ZNF813: variants seen among roughly 807,000 people sequenced by gnomAD.
ZNF813 encodes the protein zinc finger protein 813.
A neutral mutation model predicts 7.2 loss-of-function variants in ZNF813; 3 were observed. The observed-to-expected ratio is 0.42, with a 90% CI of 0.19 to 1.08. The LOEUF (loss-of-function observed/expected upper bound fraction) is 1.08, where lower values mean the gene tolerates loss of function less well. ZNF813 is among the 50% of genes least tolerant of loss of function. ZNF813 has a pLI of 0.30. For missense variants in ZNF813, 714 were observed against 753.3 expected (o/e 0.95, Z 0.61); for synonymous variants, 227 against 256.3 (o/e 0.89, Z 1.09).
At position 53,469,833 on chromosome 19, in the gene ZNF813, G is replaced by A. The variant is rs564617823; in HGVS notation, c.-74+2044G>A. Among the ~76,000 whole-genome samples the A allele has an allele frequency of 4.3e-3, 652 of 150,596 alleles. 1 individual carries two copies. Among genetic ancestry groups the A allele is most frequent in the South Asian group, 0.011 (51 of 4,784 alleles). On this transcript the variant is annotated intron_variant, in intron 1 of 3. Coordinates refer to ENST00000396403, the MANE Select transcript of ZNF813 (RefSeq NM_001004301.4). The stretch of plus-strand genomic sequence containing the variant: ...TATAACAGGGAAGAGAGAATTTAAC[G>A]GGGAGAGCAGAGGAGGCGCAGAGAT...
rs758641998 is a variant in ZNF813 at position 53,492,073 on chromosome 19, A to G, written c.1841A>G (p.Lys614Arg). 2.5e-6 allele frequency: 4 copies of G among 1,612,170 alleles called. No homozygotes were observed. Among genetic ancestry groups the G allele is most frequent in the Non-Finnish European group, 3.4e-6 (4 of 1,179,110 alleles). ...CCTTACAAGTTTAATGAGTGTGGCA[A>G]AGCTTTTAATTGAAAAGCAAAGCTT... ...EKPYKFNECG[K>R]AFN Residue 614 changes from lysine to arginine, a missense_variant, in exon 4 of 4, where the codon AAA becomes AGA. Coordinates refer to ENST00000396403, the MANE Select transcript of ZNF813 (RefSeq NM_001004301.4).
At chr19:53,476,965 G>T (rs1359631178) in intron 1 of ZNF813, among the ~76,000 whole-genome samples, 3 of 152,176 alleles carry the variant, frequency 2.0e-5, no homozygotes, top group Admixed American at 2.0e-4. Flanking sequence ...CCTGGCTGTG[G>T]GAGAGTTTTT....
intron 1 of ZNF813, among the ~76,000 whole-genome samples, chr19:53,468,144 A>G (rs1414287236): frequency 6.7e-6 from 1 of 149,870 alleles, no homozygotes; most frequent in Non-Finnish European, 1.5e-5. Flanking sequence ...CCGCGGCCCC[A>G]GTCCCGGGAA....
chr19:53,490,100 T>G (rs2086451856), intron 3 of ZNF813, among the ~76,000 whole-genome samples: 1 of 152,190 alleles, frequency 6.6e-6, no homozygotes, highest in African/African-American at 2.4e-5. Flanking sequence ...CACTTTACGG[T>G]CACAGTGGAA....
intron 1 of ZNF813, 85 bp downstream of exon 1, chr19:53,467,874 C>T (rs550291773): frequency 6.5e-6 from 1 of 152,858 alleles, no homozygotes; most frequent in Non-Finnish European, 1.5e-5. Context: ...CCCCACAAAC[C>T]TGGAAATTCT....
rs373601042 is a variant in ZNF813, at chr19:53,491,182, A to T, written c.950A>T (p.His317Leu). 1 of 1,613,876 alleles carries T rather than the reference A, an allele frequency of 6.2e-7. No homozygotes were observed. Among genetic ancestry groups the T allele is most frequent in the East Asian group, 2.2e-5 (1 of 44,878 alleles). The change falls in exon 4 of 4, where the codon CAT becomes CTT. Residue 317 changes from histidine to leucine, a missense_variant. His to Leu is a moderately conservative substitution (Grantham distance 99). Coordinates refer to ENST00000396403, the MANE Select transcript of ZNF813 (RefSeq NM_001004301.4). The part of the protein sequence containing the change: ...AFSFKSNLKR[H>L]RRIHAGEKPY... ...AGTTTCAAATCAAACCTTAAAAGACATAGGAGAATTCATGCTGGAGAAAAA... is the reference window on the plus strand; with the variant it reads ...AGTTTCAAATCAAACCTTAAAAGACTTAGGAGAATTCATGCTGGAGAAAAA...
chr19:53,478,086 C>G (rs1432799116), intron 1 of ZNF813, among the ~76,000 whole-genome samples: 2 of 152,104 alleles, frequency 1.3e-5, no homozygotes, highest in African/African-American at 4.8e-5. Context: ...ACTCTATTCC[C>G]TTTTCGCAGG....
chr19:53,469,024 G>A (rs988780222), intron 1 of ZNF813, among the ~76,000 whole-genome samples: 14 of 152,038 alleles, frequency 9.2e-5, no homozygotes, highest in Non-Finnish European at 1.3e-4. Context: ...AGGTCCCTGC[G>A]GCTTTCCGCA....
In ZNF813 at chr19:53,495,439, G is replaced by C. The variant is rs1195656310; in HGVS notation, c.*3353G>C. 1 of 148,758 alleles carries C rather than the reference G, an allele frequency of 6.7e-6. No homozygotes were observed. The highest frequency in any genetic ancestry group is 1.5e-5 in the Non-Finnish European group (1 of 67,352). 9.2% of individuals were successfully genotyped at this position (148,758 alleles called of 1,614,324 possible). On this transcript the variant is annotated 3_prime_UTR_variant, in exon 4 of 4. Coordinates refer to ENST00000396403, the MANE Select transcript of ZNF813 (RefSeq NM_001004301.4). ...GGGTTTCACCATGTTGGCAAGGCTGGTCTTGAACTCCTGACCTCACGATCT... is the reference window on the plus strand; with the variant it reads ...GGGTTTCACCATGTTGGCAAGGCTGCTCTTGAACTCCTGACCTCACGATCT...
rs1264084354 is a variant in ZNF813 at position 53,485,529 on chromosome 19, T to G, written c.16-1103T>G. ...TAGTTTTTTGTGAGTCTCTGTAGGT[T>G]TCATTATTTTGTTGACATATATGTA... On this transcript the variant is annotated intron_variant, in intron 2 of 3. Transcript: ENST00000396403. 2.0e-5 allele frequency among the ~76,000 whole-genome samples: 3 copies of G among 152,102 alleles called. No individual in the cohort carries two copies. The South Asian group carries it at 6.2e-4, about 32-fold the overall frequency.
Position 53,494,736 on chromosome 19 carries a change from A to G in ZNF813, c.*2650A>G, listed in dbSNP as rs1236226281. 6.6e-6 allele frequency: 1 copy of G among 152,156 alleles called. No individual in the cohort carries two copies. Among genetic ancestry groups the G allele is most frequent in the Non-Finnish European group, 1.5e-5 (1 of 68,054 alleles). The allele number at this position is 152,156 out of a possible 1,614,324, so 9.4% of individuals were successfully genotyped here. A position where few individuals can be genotyped will look rare whatever the true frequency, so the allele number is the denominator to read the frequency against. On this transcript the variant is annotated 3_prime_UTR_variant, in exon 4 of 4. Transcript: ENST00000396403. ...AAACAAAAAGGAGCATCAAATTTAC[A>G]GTGAGACCAGATGCAGTGGCTCAGG...
At chr19:53,471,726 G>A (rs2086359821) in intron 1 of ZNF813, among the ~76,000 whole-genome samples, 1 of 150,352 alleles carries the variant, frequency 6.7e-6, no homozygotes, top group South Asian at 2.1e-4. Flanking sequence ...GCAGGAGAAT[G>A]GCGTGAACTT....
rs917455184 is a variant in ZNF813 at position 53,494,167 on chromosome 19, G to C, written c.*2081G>C. ...TCTACAGTCCTTTTTACATCCTCTT[G>C]AATACAGCTTTTTAGTACAAGGGGT... On this transcript the variant is annotated 3_prime_UTR_variant, in exon 4 of 4. Transcript: ENST00000396403. The C allele has an allele frequency of 2.0e-5, 3 of 152,126 alleles. No individual in the cohort carries two copies. The highest frequency in any genetic ancestry group is 4.4e-5 in the Non-Finnish European group (3 of 68,030). 9.4% of individuals were successfully genotyped at this position (152,126 alleles called of 1,614,324 possible).
chr19:53,482,340 A>G (rs1200783590), intron 1 of ZNF813, among the ~76,000 whole-genome samples: 3 of 152,192 alleles, frequency 2.0e-5, no homozygotes, highest in Admixed American at 6.5e-5. Context: ...ACCCTCCACC[A>G]GCTTCCCGTG....
At chr19:53,469,412 C>T (rs1391570220) in intron 1 of ZNF813, among the ~76,000 whole-genome samples, 1 of 152,032 alleles carries the variant, frequency 6.6e-6, no homozygotes, top group Non-Finnish European at 1.5e-5. Context: ...TACTCCAAAC[C>T]GTCATGTGAT....
intron 1 of ZNF813, among the ~76,000 whole-genome samples, chr19:53,470,914 G>A (rs2086355456): frequency 6.6e-6 from 1 of 151,996 alleles, no homozygotes; most frequent in African/African-American, 2.4e-5. Flanking sequence ...TAATGCATTT[G>A]CTGTTTCATT....
At chr19:53,483,978 C>T in intron 2 of ZNF813, 141 bp downstream of exon 2, 1 of 1,549,984 alleles carries the variant, frequency 6.5e-7, no homozygotes, top group Non-Finnish European at 8.9e-7. Flanking sequence ...CTCAGTCCCT[C>T]TTTTCTCACT....
chr19:53,488,889 G>A (rs2617671), intron 3 of ZNF813, among the ~76,000 whole-genome samples: 38,191 of 151,946 alleles, frequency 0.25, 5,448 homozygotes, highest in African/African-American at 0.39. Context: ...TTGTATAAAT[G>A]TACTTGTTAT....
chr19:53,480,364 TAAA>T (rs35502614), intron 1 of ZNF813, among the ~76,000 whole-genome samples: 31 of 142,140 alleles, frequency 2.2e-4, no homozygotes, highest in African/African-American at 2.3e-4. Context: ...TGTTGTGATG[TAAA>T]AAAAAAAAAA....
Sources: gnomAD v4.1 joint callset for allele counts (sites outside exome capture counted in the v4.1 genomes callset) on GRCh38, gnomAD v4.1.1 for gene constraint, MANE v1.5 for transcripts, NCBI Gene and HGNC (gene_info 2026-07-23, HGNC 2026-07-21) for gene names.